Variants in APAF1 observed in about 807,000 individuals in gnomAD.
The protein encoded by APAF1 is apoptotic protease-activating factor 1.
Under a neutral mutation model 152.4 loss-of-function variants are expected in APAF1, and 91 were observed. The ratio of observed to expected loss-of-function variants is 0.60; its 90% CI spans 0.50 to 0.71. The LOEUF is 0.71. APAF1 is among the 30% of genes least tolerant of loss of function. The pLI is 0.00. For synonymous variants in APAF1, 484 were observed against 494.1 expected, an observed-to-expected ratio of 0.98 and a Z score of 0.27; for missense variants, 1,283 against 1,472.0, an observed-to-expected ratio of 0.87 and a Z score of 2.10.
intron 16 of APAF1, among the ~76,000 whole-genome samples, chr12:98,692,635 A>G (rs1284867343): frequency 1.3e-5 from 2 of 152,046 alleles, no homozygotes; most frequent in Non-Finnish European, 2.9e-5. Flanking sequence ...TATAAGTGAG[A>G]ACTTGTGGTA....
rs2097721583 is a variant in APAF1, at chr12:98,706,528, G to A, written c.2639G>A (p.Gly880Glu). 1 of 1,614,062 alleles carries A rather than the reference G, an allele frequency of 6.2e-7. No individual in the cohort carries two copies. The highest frequency in any genetic ancestry group is 8.5e-7 in the Non-Finnish European group (1 of 1,179,926). ...DSRSKVADCR[G>E]HLSWVHGVMF... is the part of the protein sequence containing the mutation. The stretch of plus-strand genomic sequence containing the variant: ...CGTTCAAAGGTGGCTGATTGCAGAG[G>A]ACATTTAAGTTGGGTTCATGGTGTG... Residue 880 changes from glycine to glutamate, a missense_variant, in exon 19 of 27, where the codon GGA (glycine) becomes GAA (glutamate). Physicochemically the swap from Gly to Glu is moderately conservative, Grantham distance 98 (BLOSUM62 -2). Transcript: ENST00000551964.
chr12:98,714,110 G>T (rs1023746703), intron 21 of APAF1, among the ~76,000 whole-genome samples: 1 of 152,146 alleles, frequency 6.6e-6, no homozygotes, highest in Admixed American at 6.5e-5. Flanking sequence ...AAACTGTTGT[G>T]TATTATTATT....
At chr12:98,646,678 G>A (rs565236190) in intron 1 of APAF1, among the ~76,000 whole-genome samples, 1 of 152,292 alleles carries the variant, frequency 6.6e-6, no homozygotes, top group East Asian at 1.9e-4. Flanking sequence ...TGAATGAATT[G>A]ATAAACCCGT....
chr12:98,732,533 T>G lies in APAF1; in HGVS notation c.3714T>G (p.Leu1238=), dbSNP rs1373951430. The stretch of plus-strand genomic sequence containing the variant: ...AAACATATGTGACTGTGGATAATCT[T>G]GGTATTTTATATATTTTACAGACTT... ...DFKTYVTVDN[L]GILYILQTLE is the part of the protein sequence containing the mutation. Residue 1238 remains leucine, a synonymous_variant, in exon 27 of 27, where the codon CTT becomes CTG. Coordinates refer to ENST00000551964, the MANE Select transcript of APAF1 (RefSeq NM_181861.2). The G allele has an allele frequency of 1.3e-5, 20 of 1,567,586 alleles. No individual in the cohort carries two copies. Among genetic ancestry groups the G allele is most frequent in the Non-Finnish European group, 1.7e-5 (19 of 1,137,770 alleles).
chr12:98,719,533 T>C (rs1217460919), intron 22 of APAF1, among the ~76,000 whole-genome samples: 8 of 151,108 alleles, frequency 5.3e-5, no homozygotes, highest in Non-Finnish European at 1.2e-4. Context: ...TTTTTTTTTT[T>C]AGTAGAGTTG....
intron 19 of APAF1, among the ~76,000 whole-genome samples, chr12:98,708,223 G>C (rs11836211): frequency 6.6e-6 from 1 of 152,168 alleles, no homozygotes; most frequent in Non-Finnish European, 1.5e-5. Context: ...GGGATTACAG[G>C]TGTGAGCCCC....
In APAF1 at chr12:98,723,799, T is replaced by A. The variant is rs759433559; in HGVS notation, c.3330+35T>A. The A allele has an allele frequency of 4.3e-6, 7 of 1,610,636 alleles. No homozygotes were observed. In the East Asian group the frequency reaches 1.3e-4, roughly 31 times the overall value. On this transcript the variant is annotated intron_variant, in intron 24 of 26. Transcript: ENST00000551964. ...TCAATTGAAACCATGCATAAAACTT[T>A]GGTAGTGGTTATGTATAATGAGTTC...
chr12:98,709,599 A>T (rs376396556), intron 20 of APAF1, among the ~76,000 whole-genome samples: 2 of 152,154 alleles, frequency 1.3e-5, no homozygotes, highest in Admixed American at 6.5e-5. Flanking sequence ...CAGATGCCTC[A>T]TGGAAGATTA....
chr12:98,712,218 T>C (rs925951368), intron 20 of APAF1, 101 bp from the exon 21 acceptor site: 3 of 757,900 alleles, frequency 4.0e-6, no homozygotes, highest in African/African-American at 1.7e-5. Flanking sequence ...TGTTGGTTAT[T>C]TTCTGTGTTT....
At chr12:98,718,045 C>G (rs965755233) in intron 22 of APAF1, among the ~76,000 whole-genome samples, 57 of 152,200 alleles carry the variant, frequency 3.7e-4, no homozygotes, top group Admixed American at 2.4e-3. Flanking sequence ...GATGTTGGAT[C>G]TCAACATTTA....
intron 13 of APAF1, among the ~76,000 whole-genome samples, chr12:98,679,704 C>T (rs963639897): frequency 6.6e-6 from 1 of 152,250 alleles, no homozygotes; most frequent in African/African-American, 2.4e-5. Flanking sequence ...CTTCTGGGCA[C>T]CACCGTGTTC....
intron 16 of APAF1, among the ~76,000 whole-genome samples, chr12:98,695,531 G>T (rs996599082): frequency 6.6e-6 from 1 of 152,118 alleles, no homozygotes; most frequent in Non-Finnish European, 1.5e-5. Context: ...TGCCTGGCTA[G>T]AAGAAATTTT....
intron 22 of APAF1, among the ~76,000 whole-genome samples, chr12:98,717,433 T>C (rs1394126959): frequency 1.3e-5 from 2 of 151,680 alleles, no homozygotes; most frequent in Non-Finnish European, 2.9e-5. Context: ...TGGAGTGCAA[T>C]GGTGCGACCT....
intron 4 of APAF1, among the ~76,000 whole-genome samples, chr12:98,656,811 C>T (rs1054190455): frequency 5.3e-5 from 8 of 152,168 alleles, no homozygotes; most frequent in East Asian, 1.9e-4. Context: ...AATGGGTGGG[C>T]GTTGTTCTTG....
intron 18 of APAF1, among the ~76,000 whole-genome samples, chr12:98,703,734 T>C (rs1195606487): frequency 6.6e-6 from 1 of 152,248 alleles, no homozygotes; most frequent in Non-Finnish European, 1.5e-5. Flanking sequence ...CAGCAAGCAT[T>C]TGCTGAATGC....
rs568393059 is a variant in APAF1, at chr12:98,700,946, A to G, written c.2466+1377A>G. 2.0e-5 allele frequency among the ~76,000 whole-genome samples: 3 copies of G among 151,558 alleles called. No individual in the cohort carries two copies. In the South Asian group the frequency reaches 6.2e-4, roughly 31 times the overall value. On this transcript the variant is annotated intron_variant, in intron 17 of 26. Coordinates refer to ENST00000551964, the MANE Select transcript of APAF1 (RefSeq NM_181861.2). The stretch of plus-strand genomic sequence containing the variant: ...ATGTATCAGAACTGTATTTCTTCTT[A>G]TGGCTGAATAATATTCCATTGTATG...
chr12:98,661,798 C>T (rs1351574353), intron 5 of APAF1, among the ~76,000 whole-genome samples: 3 of 151,608 alleles, frequency 2.0e-5, no homozygotes, highest in African/African-American at 7.3e-5. Context: ...GTCATTCAGA[C>T]AAAAATGTTA....
chr12:98,685,900 G>A (rs1231662731), intron 15 of APAF1, among the ~76,000 whole-genome samples: 1 of 152,172 alleles, frequency 6.6e-6, no homozygotes, highest in African/African-American at 2.4e-5. Context: ...GCCTCCCAAA[G>A]TGCTGGGATT....
intron 5 of APAF1, 89 bp downstream of exon 5, chr12:98,659,432 C>T (rs777008679): frequency 1.2e-5 from 17 of 1,364,626 alleles, no homozygotes; most frequent in Non-Finnish European, 1.7e-5. Flanking sequence ...ATGCCTTTTT[C>T]CTGCTGTTCT....
Sources: gnomAD v4.1 joint callset for allele counts (sites outside exome capture counted in the v4.1 genomes callset) on GRCh38, gnomAD v4.1.1 for gene constraint, MANE v1.5 for transcripts, NCBI Gene and HGNC (gene_info 2026-07-23, HGNC 2026-07-21) for gene names.